Variants in SLC39A12 observed in about 807,000 individuals in gnomAD.
The protein encoded by SLC39A12 is solute carrier family 39 member 12.
Under a neutral mutation model 71.1 loss-of-function variants are expected in SLC39A12, and 63 were observed. The observed-to-expected ratio is 0.89, with a 90% CI of 0.72 to 1.09. The LOEUF (loss-of-function observed/expected upper bound fraction) is 1.09, where lower values mean the gene tolerates loss of function less well. SLC39A12 is among the 50% of genes least tolerant of loss of function. The pLI is 0.00. For missense variants in SLC39A12, 892 were observed against 812.6 expected (o/e 1.10, Z -1.19); for synonymous variants, 351 against 301.3 (o/e 1.16, Z -1.71).
Position 18,042,692 on chromosome 10 carries a change from A to T in SLC39A12, c.1948-13A>T, listed in dbSNP as rs775535269. On this transcript the variant is annotated splice_polypyrimidine_tract_variant and intron_variant, in intron 12 of 12. Coordinates refer to ENST00000377369, the MANE Select transcript of SLC39A12 (RefSeq NM_001145195.2). ...TATCTGGATCTTATTCTGGTTTTTT[A>T]TTCTTTTTTTAGCTTCCTGAAATGA... 3.8e-6 allele frequency: 6 copies of T among 1,597,554 alleles called. No individual in the cohort carries two copies. In the African/African-American group the frequency reaches 6.8e-5, roughly 18 times the overall value.
At chr10:17,996,346 C>T (rs542916033) in intron 10 of SLC39A12, among the ~76,000 whole-genome samples, 25 of 152,088 alleles carry the variant, frequency 1.6e-4, no homozygotes, top group South Asian at 1.2e-3. Context: ...GAAAGTTTTT[C>T]GGATTTTTTT....
chr10:17,997,717 G>A (rs1056210005), intron 10 of SLC39A12, among the ~76,000 whole-genome samples: 2 of 152,142 alleles, frequency 1.3e-5, no homozygotes, highest in Non-Finnish European at 2.9e-5. Context: ...ACTGAATTAA[G>A]CTTCAAATAT....
intron 12 of SLC39A12, among the ~76,000 whole-genome samples, chr10:18,041,879 A>G (rs1837264629): frequency 6.7e-6 from 1 of 148,452 alleles, no homozygotes; most frequent in Admixed American, 6.8e-5. Flanking sequence ...ATATGTATAT[A>G]TATACACACA....
At chr10:18,029,535 G>A (rs1043814897) in intron 12 of SLC39A12, among the ~76,000 whole-genome samples, 7 of 152,172 alleles carry the variant, frequency 4.6e-5, no homozygotes, top group Admixed American at 3.9e-4. Flanking sequence ...CAAGTTTCTG[G>A]CAGAAATCTA....
intron 12 of SLC39A12, among the ~76,000 whole-genome samples, chr10:18,036,905 G>C (rs1243281690): frequency 6.6e-6 from 1 of 150,498 alleles, no homozygotes; most frequent in African/African-American, 2.4e-5. Flanking sequence ...TCTTGCCTCA[G>C]CCTTTCAAGT....
At chr10:17,959,319 CT>C (rs1334651059) in intron 2 of SLC39A12, among the ~76,000 whole-genome samples, 1 of 152,054 alleles carries the variant, frequency 6.6e-6, no homozygotes, top group Non-Finnish European at 1.5e-5. Context: ...AGTGGAACCC[CT>C]GGGTCTCCTC....
At chr10:17,971,382 AT>A (rs896091307) in intron 4 of SLC39A12, among the ~76,000 whole-genome samples, 6 of 147,876 alleles carry the variant, frequency 4.1e-5, no homozygotes, top group East Asian at 4.0e-4. Context: ...CTCCTCCTCT[AT>A]TTTTTGGAAT....
intron 4 of SLC39A12, among the ~76,000 whole-genome samples, chr10:17,970,674 TTGTGTGTGTGTGTGTG>T (rs61528284): frequency 6.8e-4 from 99 of 145,506 alleles, no homozygotes; most frequent in African/African-American, 8.6e-4. Flanking sequence ...TTCTAATAGT[TTGTGTGTGTGTGTGTG>T]TGTGTGTGTG....
intron 4 of SLC39A12, among the ~76,000 whole-genome samples, chr10:17,971,792 T>A (rs1455830552): frequency 6.6e-6 from 1 of 152,188 alleles, no homozygotes; most frequent in Non-Finnish European, 1.5e-5. Context: ...ACTTTTTGTT[T>A]CATTGATCTT....
rs75635434 is a variant in SLC39A12 at position 17,982,188 on chromosome 10, A to T, written c.1096+705A>T. ...GCTGTCAGCCCCAGGAAGGGAAGGG[A>T]TCAATATTTACAGTTACCTGTATCC... is the stretch of plus-strand genomic sequence containing the variant. On this transcript the variant is annotated intron_variant, in intron 6 of 12. Coordinates refer to ENST00000377369, the MANE Select transcript of SLC39A12 (RefSeq NM_001145195.2). Among the ~76,000 whole-genome samples the T allele has an allele frequency of 1.7e-4, 26 of 152,328 alleles. 1 individual carries two copies. The East Asian group carries it at 5.0e-3, about 29-fold the overall frequency.
At chr10:18,016,950 T>C (rs1174167743) in intron 12 of SLC39A12, among the ~76,000 whole-genome samples, 2 of 152,186 alleles carry the variant, frequency 1.3e-5, no homozygotes, top group African/African-American at 4.8e-5. Flanking sequence ...CTTTATCAGA[T>C]GTTTTGCACA....
intron 12 of SLC39A12, among the ~76,000 whole-genome samples, chr10:18,036,622 G>C (rs928520436): frequency 6.6e-6 from 1 of 151,464 alleles, no homozygotes; most frequent in Non-Finnish European, 1.5e-5. Context: ...CGTCGCTCAC[G>C]CTGGGAGCTG....
chr10:17,999,223 A>G (rs1479670277), intron 10 of SLC39A12, among the ~76,000 whole-genome samples: 4 of 137,448 alleles, frequency 2.9e-5, no homozygotes, highest in Admixed American at 1.6e-4. Context: ...TGAACCACAG[A>G]GGCGGAGGTT....
At chr10:17,985,751 A>G (rs1186639364) in intron 6 of SLC39A12, among the ~76,000 whole-genome samples, 3 of 151,996 alleles carry the variant, frequency 2.0e-5, no homozygotes, top group Admixed American at 6.6e-5. Flanking sequence ...TTTTAATCTT[A>G]TCTCTTCCCT....
In SLC39A12 at chr10:17,953,391, A is replaced by C; in HGVS notation, c.115A>C (p.Ser39Arg). The change falls in exon 2 of 13, where the codon AGT becomes CGT. Residue 39 changes from serine (S) to arginine (R), a missense_variant. Transcript: ENST00000377369. ...AGCCCAGGATAGCAGAAGCCGTGGGAGTTCAGGCCAACCGGCAGACCTGCT... is the reference window on the plus strand; with the variant it reads ...AGCCCAGGATAGCAGAAGCCGTGGGCGTTCAGGCCAACCGGCAGACCTGCT... The part of the protein sequence containing the change: ...PSAQDSRSRG[S>R]SGQPADLLQV... 3 of 1,614,158 alleles carry C rather than the reference A, an allele frequency of 1.9e-6. No homozygotes were observed. The highest frequency in any genetic ancestry group is 2.5e-6 in the Non-Finnish European group (3 of 1,180,028).
chr10:18,002,887 A>C, intron 11 of SLC39A12: 1 of 260,330 alleles, frequency 3.8e-6, no homozygotes, highest in Non-Finnish European at 7.2e-6. Context: ...TGGAAATGTC[A>C]GAGGATATCA....
At position 17,961,703 on chromosome 10, in the gene SLC39A12, C is replaced by G. The variant is rs781927191; in HGVS notation, c.384C>G (p.Ile128Met). The change falls in exon 3 of 13, where the codon ATC becomes ATG. Residue 128 changes from isoleucine (I) to methionine (M), a missense_variant. Transcript: ENST00000377369. ...LLYYIIHQEE[I>M]CSSKLNMSNK... Reference sequence around the variant, plus strand: ...ATTACATTATTCATCAGGAAGAGATCTGTTCTTCAAAGCTCAACATGAGTA... The same window carrying G: ...ATTACATTATTCATCAGGAAGAGATGTGTTCTTCAAAGCTCAACATGAGTA... 1 of 1,614,060 alleles carries G rather than the reference C, an allele frequency of 6.2e-7. No homozygotes were observed. The highest frequency in any genetic ancestry group is 8.5e-7 in the Non-Finnish European group (1 of 1,179,948).
At chr10:18,031,009 G>A (rs11012271) in intron 12 of SLC39A12, among the ~76,000 whole-genome samples, 72,354 of 149,514 alleles carry the variant, frequency 0.48, 17,183 homozygotes, top group Non-Finnish European at 0.57. Context: ...AGTATTCCAT[G>A]GTGTATATGT....
rs554371078 is a variant in SLC39A12, at chr10:17,980,789, A to G, written c.925-523A>G. ...GGTAGCTACATCATTTGGTATTTAC[A>G]CAGCAGCTAGTTGACATAGCTTTAC... On this transcript the variant is annotated intron_variant, in intron 5 of 12. Coordinates refer to ENST00000377369, the MANE Select transcript of SLC39A12 (RefSeq NM_001145195.2). Among the ~76,000 whole-genome samples, 3 of 152,270 alleles carry G rather than the reference A, an allele frequency of 2.0e-5. No individual in the cohort carries two copies. In the East Asian group the frequency reaches 5.8e-4, roughly 29 times the overall value.
Sources: allele counts gnomAD v4.1 joint callset (sites outside exome capture counted in the v4.1 genomes callset), GRCh38; gene constraint gnomAD v4.1.1; transcripts MANE v1.5; gene names NCBI Gene and HGNC (gene_info 2026-07-23, HGNC 2026-07-21).